The following CCDC180 variants were observed in gnomAD, a reference collection of about 807,000 sequenced individuals.
CCDC180 encodes coiled-coil domain containing 180, also known as coiled-coil domain-containing protein 180.
In CCDC180, 154 loss-of-function variants were observed where a neutral mutation model predicts 209.2. The ratio of observed to expected loss-of-function variants is 0.74; its 90% CI spans 0.65 to 0.84. The LOEUF (loss-of-function observed/expected upper bound fraction) is 0.84. CCDC180 is among the 40% of genes least tolerant of loss of function. The pLI, the probability that CCDC180 is intolerant of heterozygous loss-of-function variation, is 0.00. For synonymous variants in CCDC180, 778 were observed against 749.1 expected, an observed-to-expected ratio of 1.04 and a Z score of -0.63; for missense variants, 1,874 against 1,997.3, an observed-to-expected ratio of 0.94 and a Z score of 1.18.
In CCDC180 at chr9:97,309,614, G is replaced by A. The variant is rs775715262; in HGVS notation, c.260+10G>A. On this transcript the variant is annotated intron_variant, in intron 3 of 36. Coordinates refer to ENST00000529487, the MANE Select transcript of CCDC180 (RefSeq NM_020893.6). Reference sequence around the variant, plus strand: ...ACCCTGTTCTCCACAGGTAGGTCCTGTTGTCCATGCCTCACCCCCATGCAC... The same window carrying A: ...ACCCTGTTCTCCACAGGTAGGTCCTATTGTCCATGCCTCACCCCCATGCAC... 13 of 1,550,366 alleles carry A rather than the reference G, an allele frequency of 8.4e-6. No individual in the cohort carries two copies. Among genetic ancestry groups the A allele is most frequent in the African/African-American group, 2.8e-5 (2 of 71,252 alleles).
intron 16 of CCDC180, among the ~76,000 whole-genome samples, chr9:97,328,657 C>G (rs1331735449): frequency 6.6e-6 from 1 of 152,058 alleles, no homozygotes; most frequent in Non-Finnish European, 1.5e-5. Context: ...GCTGGGACCC[C>G]TCTGTCTCCA....
chr9:97,354,791 G>A, intron 23 of CCDC180, 78 bp downstream of exon 23: 1 of 1,594,084 alleles, frequency 6.3e-7, no homozygotes, highest in East Asian at 2.2e-5. Context: ...GGAGGGCCAA[G>A]CCCTCCATCC....
At chr9:97,363,104 C>T (rs1826813714) in intron 28 of CCDC180, among the ~76,000 whole-genome samples, 1 of 152,204 alleles carries the variant, frequency 6.6e-6, no homozygotes, top group South Asian at 2.1e-4. Context: ...GCCCTCCTCT[C>T]CAGCTGTGCG....
intron 22 of CCDC180, 82 bp downstream of exon 22, chr9:97,350,637 G>C (rs1826397373): frequency 7.0e-7 from 1 of 1,427,382 alleles, no homozygotes; most frequent in Admixed American, 2.3e-5. Context: ...TTAATTTTTA[G>C]TTTTGACAAA....
chr9:97,315,002 A>AC, intron 8 of CCDC180, 56 bp downstream of exon 8: 1 of 1,329,198 alleles, frequency 7.5e-7, no homozygotes, highest in Non-Finnish European at 1.1e-6. Flanking sequence ...AGGACCAGGA[A>AC]CCCAGGGCAC....
intron 19 of CCDC180, among the ~76,000 whole-genome samples, chr9:97,346,461 A>G (rs760536485): frequency 2.0e-5 from 3 of 152,262 alleles, no homozygotes; most frequent in African/African-American, 4.8e-5. Context: ...ATAAGCTGAG[A>G]AGCAACATTT....
chr9:97,364,457 C>A, intron 29 of CCDC180: 2 of 292,154 alleles, frequency 6.8e-6, no homozygotes, highest in South Asian at 7.0e-5. Context: ...TATTGTAACT[C>A]CAGTGATTAA....
In CCDC180 at chr9:97,374,626, C is replaced by T; in HGVS notation, c.4684C>T (p.Pro1562Ser). ...GLSLKEESEKPLIERGSRKWP... is the reference protein window; with the variant it reads ...GLSLKEESEKSLIERGSRKWP... ...CTCCCTGAAGGAAGAGAGTGAGAAA[C>T]CCCTGATTGAACGTGGAAGCAGGTG... is the stretch of plus-strand genomic sequence containing the variant. The change falls in exon 35 of 37, where the codon CCC (proline) becomes TCC (serine). Residue 1562 changes from proline to serine, a missense_variant. Transcript: ENST00000529487. 1 of 1,614,022 alleles carries T rather than the reference C, an allele frequency of 6.2e-7. No individual in the cohort carries two copies. The highest frequency in any genetic ancestry group is 8.5e-7 in the Non-Finnish European group (1 of 1,179,954).
rs3052478 is a variant in CCDC180 at position 97,369,419 on chromosome 9, T to TTTATGTTATGTTATG, written c.4190-459_4190-445dup. On this transcript the variant is annotated intron_variant, in intron 31 of 36. Transcript: ENST00000529487. ...CCTTTGAATTTATTTAAGCCTTTAT[T>TTTATGTTATGTTATG]TTATGTTATGTTATGTTATGTTATG... The TTTATGTTATGTTATG allele has an allele frequency of 7.0e-3, 913 of 130,696 alleles. 7 individuals carry two copies. Among genetic ancestry groups the TTTATGTTATGTTATG allele is most frequent in the Non-Finnish European group, 9.9e-3 (594 of 60,250 alleles). 8.1% of individuals were successfully genotyped at this position (130,696 alleles called of 1,614,324 possible). A position where few individuals can be genotyped will look rare whatever the true frequency, so the allele number is the denominator to read the frequency against.
At chr9:97,364,354 G>C in intron 29 of CCDC180, 1 of 491,316 alleles carries the variant, frequency 2.0e-6, no homozygotes, top group Non-Finnish European at 3.6e-6. Context: ...AAGCTAACAA[G>C]CATTTCCTGG....
At position 97,338,259 on chromosome 9, in the gene CCDC180, G is replaced by A. The variant is rs1587808672; in HGVS notation, c.2275-5081G>A. ...GTTCTTTTAATTGTGATGTTAGGGTGTCAATTTTAGATCTTTCATGCTTTC... is the reference window on the plus strand; with the variant it reads ...GTTCTTTTAATTGTGATGTTAGGGTATCAATTTTAGATCTTTCATGCTTTC... On this transcript the variant is annotated intron_variant, in intron 18 of 36. Transcript: ENST00000529487. Among the ~76,000 whole-genome samples the A allele has an allele frequency of 2.6e-5, 4 of 152,280 alleles. No individual in the cohort carries two copies. The South Asian group carries it at 6.2e-4, about 24-fold the overall frequency.
At chr9:97,332,637 T>A (rs968034151) in intron 18 of CCDC180, among the ~76,000 whole-genome samples, 3 of 152,188 alleles carry the variant, frequency 2.0e-5, no homozygotes, top group Non-Finnish European at 4.4e-5. Flanking sequence ...TTGTGGTGAT[T>A]GTGAATGGGA....
chr9:97,316,285 G>A (rs750040689), intron 8 of CCDC180, among the ~76,000 whole-genome samples: 4 of 152,048 alleles, frequency 2.6e-5, no homozygotes, highest in Non-Finnish European at 4.4e-5. Flanking sequence ...CCCATCTTAC[G>A]GCTGTGGATC....
Position 97,343,473 on chromosome 9 carries a change from T to C in CCDC180, c.2408T>C (p.Phe803Ser). ...CATTGTAGGAAGTCCCATTCCACCT[T>C]CTCAGCCATGTTCATCAACGACACT... is the stretch of plus-strand genomic sequence containing the variant. ...EEHCRKSHSTFSAMFINDTSS... is the reference protein window; with the variant it reads ...EEHCRKSHSTSSAMFINDTSS... The change falls in exon 19 of 37, where the codon TTC becomes TCC. Residue 803 changes from phenylalanine (F) to serine (S), a missense_variant. By Grantham distance (155) the Phe-to-Ser change is radical (BLOSUM62 -2). Coordinates refer to ENST00000529487, the MANE Select transcript of CCDC180 (RefSeq NM_020893.6). The C allele has an allele frequency of 3.1e-6, 5 of 1,614,174 alleles. No individual in the cohort carries two copies. The highest frequency in any genetic ancestry group is 3.4e-6 in the Non-Finnish European group (4 of 1,179,994).
At chr9:97,344,744 G>T (rs1197439664) in intron 19 of CCDC180, among the ~76,000 whole-genome samples, 1 of 152,130 alleles carries the variant, frequency 6.6e-6, no homozygotes, top group African/African-American at 2.4e-5. Context: ...GATTGGGTTT[G>T]CATACTGAAG....
In CCDC180 at chr9:97,314,647, C is replaced by A. The variant is rs199694770; in HGVS notation, c.618C>A (p.Ala206=). ...TGCTGGAGCTGTGGGATAAGGTGGC[C>A]GGGCGGTTACTGCTCCGGAAGCAGG... ...QALLELWDKV[A]GRLLLRKQEI... The change falls in exon 7 of 37, where the codon GCC becomes GCA. Residue 206 remains alanine, a synonymous_variant. Coordinates refer to ENST00000529487, the MANE Select transcript of CCDC180 (RefSeq NM_020893.6). 62 of 1,613,910 alleles carry A rather than the reference C, an allele frequency of 3.8e-5. No individual in the cohort carries two copies. The highest frequency in any genetic ancestry group is 5.3e-5 in the Non-Finnish European group (62 of 1,180,004).
chr9:97,321,149 C>G (rs955282140), intron 11 of CCDC180, among the ~76,000 whole-genome samples: 5 of 152,138 alleles, frequency 3.3e-5, no homozygotes, highest in Non-Finnish European at 5.9e-5. Context: ...TTTCTGAGCA[C>G]ATTTAAGGTA....
At chr9:97,326,326 G>T (rs1587795230) in intron 14 of CCDC180, among the ~76,000 whole-genome samples, 1 of 152,206 alleles carries the variant, frequency 6.6e-6, no homozygotes, top group African/African-American at 2.4e-5. Context: ...TTCCCTAGGG[G>T]TATGATGTGG....
Position 97,375,918 on chromosome 9 carries a change from C to T in CCDC180, c.4842+329C>T, listed in dbSNP as rs544731870. 46 of 308,398 alleles carry T rather than the reference C, an allele frequency of 1.5e-4. No homozygotes were observed. In the Middle Eastern group the frequency reaches 3.0e-3, roughly 20 times the overall value. 19.1% of individuals were successfully genotyped at this position (308,398 alleles called of 1,614,324 possible). ...CACCAGGCACGGAAGCAATGGTAGC[C>T]GTAGGCTCAGGGGGGACACAGCAGC... On this transcript the variant is annotated intron_variant, in intron 36 of 36. Coordinates refer to ENST00000529487, the MANE Select transcript of CCDC180 (RefSeq NM_020893.6).
Sources: allele counts gnomAD v4.1 joint callset (sites outside exome capture counted in the v4.1 genomes callset), GRCh38; gene constraint gnomAD v4.1.1; transcripts MANE v1.5; gene names NCBI Gene and HGNC (gene_info 2026-07-23, HGNC 2026-07-21).